Variants in ZNF546 observed in about 807,000 individuals in gnomAD.
ZNF546 encodes CTC-471F3.6.
ZNF546 carries 60 observed loss-of-function variants against 76.2 expected under a neutral mutation model. The observed-to-expected ratio is 0.79, with a 90% CI of 0.64 to 0.98. The LOEUF is 0.98. Among genes scored for constraint, ZNF546 ranks in the 50% least tolerant of loss-of-function variants. The pLI is 0.00. For synonymous variants in ZNF546, 277 were observed against 328.1 expected (o/e 0.84, Z 1.68); for missense variants, 936 against 1,035.6 (o/e 0.90, Z 1.32).
At chr19:40,004,023 T>TAA (rs1971565652) in intron 3 of ZNF546, among the ~76,000 whole-genome samples, 4 of 144,016 alleles carry the variant, frequency 2.8e-5, no homozygotes, top group African/African-American at 1.0e-4. Flanking sequence ...AAAAAATATA[T>TAA]ATATATAAAT....
At chr19:40,000,107 T>C (rs1311093860) in intron 3 of ZNF546, among the ~76,000 whole-genome samples, 1 of 152,224 alleles carries the variant, frequency 6.6e-6, no homozygotes, top group Non-Finnish European at 1.5e-5. Flanking sequence ...CTGCTAAGTT[T>C]GATTAACCTT....
intron 3 of ZNF546, among the ~76,000 whole-genome samples, chr19:40,000,360 C>T (rs1185700127): frequency 6.6e-6 from 1 of 151,958 alleles, no homozygotes; most frequent in Non-Finnish European, 1.5e-5. Flanking sequence ...CATGGTGGCT[C>T]AAGCCTGTAA....
At position 40,015,859 on chromosome 19, in the gene ZNF546, CAT is replaced by C. The variant is rs1971759367; in HGVS notation, c.*79_*80del. ...AAGAAATTTTCTGTTTGTTACGGAA[CAT>C]GTGGGAATCCCTTTTACTTCATGCT... On this transcript the variant is annotated 3_prime_UTR_variant, in exon 7 of 7. Coordinates refer to ENST00000347077, the MANE Select transcript of ZNF546 (RefSeq NM_178544.5). 3 of 1,312,318 alleles carry C rather than the reference CAT, an allele frequency of 2.3e-6. No individual in the cohort carries two copies. The highest frequency in any genetic ancestry group is 3.3e-6 in the Non-Finnish European group (3 of 915,950). 81.3% of individuals were successfully genotyped at this position (1,312,318 alleles called of 1,614,324 possible). A position where few individuals can be genotyped will look rare whatever the true frequency, so the allele number is the denominator to read the frequency against.
chr19:40,008,438 A>T, intron 5 of ZNF546, 32 bp from the exon 6 acceptor site: 1 of 1,505,914 alleles, frequency 6.6e-7, no homozygotes, highest in Admixed American at 1.9e-5. Context: ...GTTTTTTTCT[A>T]TAACATGTGT....
At position 40,016,047 on chromosome 19, in the gene ZNF546, T is replaced by C. The variant is rs1971762448; in HGVS notation, c.*266T>C. 2.2e-6 allele frequency: 1 copy of C among 446,172 alleles called. No individual in the cohort carries two copies. Among genetic ancestry groups the C allele is most frequent in the African/African-American group, 2.0e-5 (1 of 50,458 alleles). 27.6% of individuals were successfully genotyped at this position (446,172 alleles called of 1,614,324 possible). ...GTTGTTGAACAGTGCTTCTCTAAAA[T>C]GCAATAATAATGGGCCAGGTGAAGT... On this transcript the variant is annotated 3_prime_UTR_variant, in exon 7 of 7. Transcript: ENST00000347077.
At chr19:40,008,664 C>T (rs979559021) in intron 6 of ZNF546, 99 bp downstream of exon 6, 35 of 868,458 alleles carry the variant, frequency 4.0e-5, no homozygotes, top group Non-Finnish European at 6.4e-5. Context: ...AAGCTCCCTT[C>T]AAAGGCCTGA....
At chr19:40,002,990 G>A (rs234313) in intron 3 of ZNF546, among the ~76,000 whole-genome samples, 23,550 of 150,976 alleles carry the variant, frequency 0.16, 4,438 homozygotes, top group African/African-American at 0.45. Flanking sequence ...GTGAGCCGCC[G>A]TGCCCGGCCT....
At chr19:39,997,496 A>C (rs1260491363) in intron 1 of ZNF546, among the ~76,000 whole-genome samples, 6 of 152,128 alleles carry the variant, frequency 3.9e-5, no homozygotes, top group African/African-American at 1.4e-4. Flanking sequence ...AGGGAAGTCA[A>C]ATATCGAGCT....
Position 40,013,366 on chromosome 19 carries a change from G to C in ZNF546, c.395-299G>C, listed in dbSNP as rs1971696046. Among the ~76,000 whole-genome samples the C allele has an allele frequency of 1.3e-5, 2 of 152,048 alleles. 1 individual carries two copies. The highest frequency in any genetic ancestry group is 2.9e-5 in the Non-Finnish European group (2 of 68,024). On this transcript the variant is annotated intron_variant, in intron 6 of 6. Transcript: ENST00000347077. ...TTAAATTTCAGTGTCCATAAGTCAA[G>C]TGTTATTATAACACAGCCACACTTA...
intron 6 of ZNF546, among the ~76,000 whole-genome samples, chr19:40,012,969 A>G (rs2144648986): frequency 6.6e-6 from 1 of 151,908 alleles, no homozygotes; most frequent in African/African-American, 2.4e-5. Context: ...ACCCGCCACC[A>G]CGCCTGGCTA....
chr19:40,011,138 T>G (rs977526117), intron 6 of ZNF546: 4 of 152,236 alleles, frequency 2.6e-5, no homozygotes, highest in African/African-American at 9.6e-5. Context: ...TAAGTTAATT[T>G]ATCACATTTT....
At chr19:40,000,805 G>A (rs1272092171) in intron 3 of ZNF546, among the ~76,000 whole-genome samples, 2 of 151,900 alleles carry the variant, frequency 1.3e-5, no homozygotes, top group Admixed American at 6.6e-5. Flanking sequence ...ATGGAGGACC[G>A]TTTTTTCACA....
rs752743795 is a variant in ZNF546 at position 39,998,409 on chromosome 19, T to C, written c.83T>C (p.Met28Thr). The change falls in exon 3 of 7, where the codon ATG (methionine) becomes ACG (threonine). Residue 28 changes from methionine (M) to threonine (T), a missense_variant and splice_region_variant. Transcript: ENST00000347077. ...QIIPLHSLSI[M>T]PRFLWILCFS... is the part of the protein sequence containing the mutation. Reference sequence around the variant, plus strand: ...ATTCCTCTGCACTCACTTTCTATAATGGTAGAGAAATGCATATCCTGGAGT... The same window carrying C: ...ATTCCTCTGCACTCACTTTCTATAACGGTAGAGAAATGCATATCCTGGAGT... 2.5e-6 allele frequency: 4 copies of C among 1,612,762 alleles called. No individual in the cohort carries two copies. In the African/African-American group the frequency reaches 4.0e-5, roughly 16 times the overall value.
chr19:40,011,973 GCCA>G (rs1971677278), intron 6 of ZNF546, among the ~76,000 whole-genome samples: 1 of 152,148 alleles, frequency 6.6e-6, no homozygotes, highest in Non-Finnish European at 1.5e-5. Context: ...TTTTCTGGGG[GCCA>G]CAATTCAACC....
chr19:40,006,277 C>A, intron 4 of ZNF546, 95 bp downstream of exon 4: 2 of 1,147,922 alleles, frequency 1.7e-6, no homozygotes, highest in Middle Eastern at 2.2e-4. Context: ...CTAAGACAAC[C>A]CTGTTGTGGA....
At position 40,017,896 on chromosome 19, in the gene ZNF546, C is replaced by A. The variant is rs113571721; in HGVS notation, c.*2115C>A. 6.8e-6 allele frequency: 1 copy of A among 146,054 alleles called. No homozygotes were observed. The highest frequency in any genetic ancestry group is 1.5e-5 in the Non-Finnish European group (1 of 66,386). 9.0% of individuals were successfully genotyped at this position (146,054 alleles called of 1,614,324 possible). ...ATTCAGGAACCAAATTCATGAATTACATTTGTGCATTGTTCGTCTCTTTTA... is the reference window on the plus strand; with the variant it reads ...ATTCAGGAACCAAATTCATGAATTAAATTTGTGCATTGTTCGTCTCTTTTA... On this transcript the variant is annotated 3_prime_UTR_variant, in exon 7 of 7. Coordinates refer to ENST00000347077, the MANE Select transcript of ZNF546 (RefSeq NM_178544.5).
Position 40,013,640 on chromosome 19 carries a change from CTTTTT to C in ZNF546, c.395-9_395-5del, listed in dbSNP as rs546130223. Reference sequence around the variant, plus strand: ...CATTATAGCATTTGTTTACTCTTTGCTTTTTTTTTTTTTTTTTTTTGCAGATTTGG... The same window carrying C: ...CATTATAGCATTTGTTTACTCTTTGCTTTTTTTTTTTTTTTGCAGATTTGG... On this transcript the variant is annotated intron_variant, in intron 6 of 6. Transcript: ENST00000347077. The C allele has an allele frequency of 7.1e-4, 771 of 1,089,320 alleles. No homozygotes were observed. Among genetic ancestry groups the C allele is most frequent in the Middle Eastern group, 1.3e-3 (4 of 3,200 alleles). 67.5% of individuals were successfully genotyped at this position (1,089,320 alleles called of 1,614,324 possible). A position where few individuals can be genotyped will look rare whatever the true frequency, so the allele number is the denominator to read the frequency against.
In ZNF546 at chr19:40,020,359, C is replaced by T. The variant is rs1383381222; in HGVS notation, c.*4578C>T. 2 of 152,130 alleles carry T rather than the reference C, an allele frequency of 1.3e-5. No homozygotes were observed. Among genetic ancestry groups the T allele is most frequent in the Admixed American group, 1.3e-4 (2 of 15,274 alleles). 9.4% of individuals were successfully genotyped at this position (152,130 alleles called of 1,614,324 possible). ...ACTATCTAATTATATCATTGCTCAA[C>T]ATTTGCAAATTATTTTTACAAATAA... On this transcript the variant is annotated 3_prime_UTR_variant, in exon 7 of 7. Coordinates refer to ENST00000347077, the MANE Select transcript of ZNF546 (RefSeq NM_178544.5).
At chr19:40,001,043 C>T (rs919423868) in intron 3 of ZNF546, among the ~76,000 whole-genome samples, 2 of 151,908 alleles carry the variant, frequency 1.3e-5, no homozygotes, top group South Asian at 2.1e-4. Context: ...ATAAGGAGCA[C>T]GCAGCCTAGA....
Sources: gnomAD v4.1 joint callset for allele counts (sites outside exome capture counted in the v4.1 genomes callset) on GRCh38, gnomAD v4.1.1 for gene constraint, MANE v1.5 for transcripts, NCBI Gene and HGNC (gene_info 2026-07-23, HGNC 2026-07-21) for gene names.